Variants in SPAG16 observed in about 807,000 individuals in gnomAD.
The protein encoded by SPAG16 is sperm-associated antigen 16 protein.
Under a neutral mutation model 80.4 loss-of-function variants are expected in SPAG16, and 86 were observed. That is an observed-to-expected ratio of 1.07 (90% confidence interval 0.90 to 1.28). SPAG16 has a LOEUF of 1.28. Ranked by LOEUF, SPAG16 falls within the 50% of genes most tolerant of loss-of-function variation. The probability of loss-of-function intolerance (pLI) is 0.00; values close to 1 mark genes in which losing one functional copy is unlikely to be tolerated. For missense variants in SPAG16, 870 were observed against 765.3 expected (o/e 1.14, Z -1.61); for synonymous variants, 294 against 265.9 (o/e 1.11, Z -1.03).
chr2:213,332,495 G>A (rs575966520), intron 5 of SPAG16, among the ~76,000 whole-genome samples: 10 of 152,020 alleles, frequency 6.6e-5, no homozygotes, highest in Admixed American at 3.9e-4. Context: ...AAACAATTCC[G>A]AAAAATACAG....
chr2:213,869,163 G>C (rs1486670591), intron 11 of SPAG16, among the ~76,000 whole-genome samples: 2 of 150,540 alleles, frequency 1.3e-5, no homozygotes, highest in Non-Finnish European at 3.0e-5. Context: ...TGAGACAGGA[G>C]AATCACTTGA....
chr2:214,175,680 A>G (rs1014791644), intron 15 of SPAG16, among the ~76,000 whole-genome samples: 1 of 151,556 alleles, frequency 6.6e-6, no homozygotes, highest in Admixed American at 6.6e-5. Context: ...ATATGCTTTT[A>G]AAAAATCAGT....
intron 6 of SPAG16, among the ~76,000 whole-genome samples, chr2:213,343,362 C>G (rs1020690600): frequency 6.6e-6 from 1 of 152,034 alleles, no homozygotes; most frequent in Non-Finnish European, 1.5e-5. Context: ...TTGAAAAACT[C>G]GAGCTGATTC....
chr2:213,513,118 T>C (rs1402908178), intron 10 of SPAG16, among the ~76,000 whole-genome samples: 2 of 152,210 alleles, frequency 1.3e-5, no homozygotes, highest in African/African-American at 4.8e-5. Context: ...CACGTGTGTA[T>C]GTATGTTTTG....
At chr2:213,363,564 G>T (rs148588395) in intron 7 of SPAG16, among the ~76,000 whole-genome samples, 1 of 152,100 alleles carries the variant, frequency 6.6e-6, no homozygotes, top group East Asian at 1.9e-4. Flanking sequence ...GGTAAATCAT[G>T]ACACCAAAGC....
chr2:213,309,184 A>G (rs997603273), intron 3 of SPAG16, among the ~76,000 whole-genome samples: 1 of 152,084 alleles, frequency 6.6e-6, no homozygotes, highest in Non-Finnish European at 1.5e-5. Context: ...CTCAACTTGT[A>G]CTTTAGGTTT....
chr2:213,652,245 T>A (rs10804215), intron 10 of SPAG16, among the ~76,000 whole-genome samples: 9,297 of 152,032 alleles, frequency 0.061, 926 homozygotes, highest in African/African-American at 0.21. Context: ...AGTGCTTGTC[T>A]CATTATGTTC....
chr2:214,393,676 A>C (rs980306243), intron 15 of SPAG16, among the ~76,000 whole-genome samples: 1 of 152,148 alleles, frequency 6.6e-6, no homozygotes, highest in African/African-American at 2.4e-5. Context: ...TGATTGGAAC[A>C]AAGGATATTT....
intron 4 of SPAG16, among the ~76,000 whole-genome samples, chr2:213,314,998 A>G (rs2063341482): frequency 6.7e-6 from 1 of 149,854 alleles, no homozygotes; most frequent in Non-Finnish European, 1.5e-5. Flanking sequence ...CAGATAAAGT[A>G]TATAACACAA....
chr2:213,635,767 A>G (rs2062338616), intron 10 of SPAG16, among the ~76,000 whole-genome samples: 2 of 151,948 alleles, frequency 1.3e-5, no homozygotes, highest in South Asian at 4.2e-4. Flanking sequence ...TGAGAATTTT[A>G]TATTCATGTC....
intron 13 of SPAG16, among the ~76,000 whole-genome samples, chr2:214,028,158 C>G (rs1305556499): frequency 2.0e-5 from 3 of 151,806 alleles, no homozygotes; most frequent in Admixed American, 6.6e-5. Flanking sequence ...ACTAGCCATG[C>G]CTTTTCCGTA....
At chr2:213,969,680 A>G (rs1265491714) in intron 12 of SPAG16, among the ~76,000 whole-genome samples, 1 of 152,184 alleles carries the variant, frequency 6.6e-6, no homozygotes, top group Non-Finnish European at 1.5e-5. Flanking sequence ...AACTATGAGA[A>G]ATACATTTAT....
At chr2:214,279,064 A>G (rs2125909979) in intron 15 of SPAG16, among the ~76,000 whole-genome samples, 1 of 152,156 alleles carries the variant, frequency 6.6e-6, no homozygotes, top group South Asian at 2.1e-4. Flanking sequence ...TGAAACAATA[A>G]CAAGCAACAA....
intron 10 of SPAG16, among the ~76,000 whole-genome samples, chr2:213,617,587 C>T (rs1230488192): frequency 1.3e-5 from 2 of 152,152 alleles, no homozygotes; most frequent in African/African-American, 4.8e-5. Flanking sequence ...GGCAATCTGC[C>T]CACCTTGGCC....
chr2:213,748,267 A>G (rs1210785479), intron 10 of SPAG16, among the ~76,000 whole-genome samples: 1 of 152,182 alleles, frequency 6.6e-6, no homozygotes, highest in Non-Finnish European at 1.5e-5. Context: ...AAATGAAAAA[A>G]TATTTCATTG....
intron 9 of SPAG16, among the ~76,000 whole-genome samples, chr2:213,378,802 G>C (rs115263702): frequency 0.019 from 2,933 of 152,198 alleles, 96 homozygotes; most frequent in African/African-American, 0.066. Flanking sequence ...ATTCCTGAAG[G>C]GTCTGGGCCA....
At chr2:213,968,549 C>A (rs1265390663) in intron 12 of SPAG16, among the ~76,000 whole-genome samples, 2 of 152,160 alleles carry the variant, frequency 1.3e-5, no homozygotes, top group Admixed American at 1.3e-4. Flanking sequence ...ATGAAGAATT[C>A]ATTGGGCTTA....
chr2:213,512,972 T>G (rs1221443593), intron 10 of SPAG16, among the ~76,000 whole-genome samples: 2 of 152,094 alleles, frequency 1.3e-5, no homozygotes, highest in African/African-American at 4.8e-5. Context: ...GCAGGGTAGT[T>G]CTTTAGGGCC....
At chr2:214,047,460 T>C (rs1338478240) in intron 13 of SPAG16, among the ~76,000 whole-genome samples, 12 of 152,056 alleles carry the variant, frequency 7.9e-5, no homozygotes, top group Non-Finnish European at 1.5e-4. Flanking sequence ...ATCTTTTCAA[T>C]AAATGTTGCT....
Sources: allele counts gnomAD v4.1 joint callset (sites outside exome capture counted in the v4.1 genomes callset), GRCh38; gene constraint gnomAD v4.1.1; transcripts MANE v1.5; gene names NCBI Gene and HGNC (gene_info 2026-07-23, HGNC 2026-07-21).